FTO: variants seen among roughly 807,000 people sequenced by gnomAD.
The protein encoded by FTO is FTO alpha-ketoglutarate dependent dioxygenase, also known as alpha-ketoglutarate-dependent dioxygenase FTO.
FTO carries 47 observed loss-of-function variants against 63.9 expected under a neutral mutation model. The observed-to-expected ratio is 0.74, with a 90% CI of 0.58 to 0.94. The LOEUF is 0.94. Ranked by LOEUF, FTO falls within the 40% of genes least tolerant of loss-of-function variation. The pLI, the probability that FTO is intolerant of heterozygous loss-of-function variation, is 0.00. For synonymous variants in FTO, 207 were observed against 224.4 expected (o/e 0.92, Z 0.69); for missense variants, 562 against 618.1 (o/e 0.91, Z 0.96).
At chr16:53,832,879 GCTTT>G (rs1281580820) in intron 3 of FTO, among the ~76,000 whole-genome samples, 3 of 151,986 alleles carry the variant, frequency 2.0e-5, no homozygotes, top group Non-Finnish European at 2.9e-5. Context: ...CCACTGTTCT[GCTTT>G]CTGTCTGTAT....
intron 8 of FTO, among the ~76,000 whole-genome samples, chr16:53,949,014 T>C (rs1474598345): frequency 2.0e-5 from 3 of 152,250 alleles, no homozygotes; most frequent in African/African-American, 7.2e-5. Context: ...TCTTTCCTTT[T>C]ATAAACAAAG....
intron 8 of FTO, among the ~76,000 whole-genome samples, chr16:54,065,681 G>A (rs2085710847): frequency 6.6e-6 from 1 of 152,184 alleles, no homozygotes; most frequent in South Asian, 2.1e-4. Flanking sequence ...GGTTCTCCCT[G>A]TCTTCACCAG....
At chr16:54,038,422 AGTGCCTCCCCCACCTTCCCAG>A (rs2084994422) in intron 8 of FTO, among the ~76,000 whole-genome samples, 1 of 152,172 alleles carries the variant, frequency 6.6e-6, no homozygotes, top group African/African-American at 2.4e-5. Context: ...CAACCTGGAA[AGTGCCTCCCCCACCTTCCCAG>A]GAGCCTCACT....
chr16:53,834,422 A>G (rs2079233840), intron 3 of FTO, among the ~76,000 whole-genome samples: 1 of 152,214 alleles, frequency 6.6e-6, no homozygotes, highest in African/African-American at 2.4e-5. Context: ...TAAATTCTAT[A>G]CTACTGAATG....
intron 1 of FTO, among the ~76,000 whole-genome samples, chr16:53,769,489 AT>A (rs2077285201): frequency 1.3e-5 from 2 of 152,180 alleles, no homozygotes; most frequent in South Asian, 4.1e-4. Flanking sequence ...TTCATGTAAA[AT>A]ATTTAGAGCA....
In FTO at chr16:53,929,821, G is replaced by A. The variant is rs184107609; in HGVS notation, c.1240-4164G>A. Among the ~76,000 whole-genome samples, 129 of 152,308 alleles carry A rather than the reference G, an allele frequency of 8.5e-4. 1 individual carries two copies. Among genetic ancestry groups the A allele is most frequent in the African/African-American group, 2.9e-3 (122 of 41,570 alleles). On this transcript the variant is annotated intron_variant, in intron 7 of 8. Coordinates refer to ENST00000471389, the MANE Select transcript of FTO (RefSeq NM_001080432.3). ...CTTCAAAGAGAACTGTTCCAGTTTT[G>A]TTTGTTGTATATATTGGGAGTTGCA...
intron 8 of FTO, among the ~76,000 whole-genome samples, chr16:54,102,466 T>C (rs1484608451): frequency 6.6e-6 from 1 of 152,174 alleles, no homozygotes; most frequent in African/African-American, 2.4e-5. Flanking sequence ...ATCCCAGCTA[T>C]GTAAGAGGCT....
At position 53,851,709 on chromosome 16, in the gene FTO, T is replaced by G. The variant is rs935303267; in HGVS notation, c.895+7411T>G. 2.6e-5 allele frequency among the ~76,000 whole-genome samples: 4 copies of G among 152,198 alleles called. No homozygotes were observed. In the South Asian group the frequency reaches 6.2e-4, roughly 24 times the overall value. On this transcript the variant is annotated intron_variant, in intron 4 of 8. Coordinates refer to ENST00000471389, the MANE Select transcript of FTO (RefSeq NM_001080432.3). ...ATAAATATTACTCTAGTGTTTGTTT[T>G]TTGTACATAATATGTGCTGGAAATT...
At chr16:53,795,451 G>A (rs1324951620) in intron 1 of FTO, among the ~76,000 whole-genome samples, 1 of 150,282 alleles carries the variant, frequency 6.7e-6, no homozygotes, top group African/African-American at 2.4e-5. Context: ...TAATACATTT[G>A]TGTGTGTGTG....
At chr16:53,785,301 A>G (rs918461153) in intron 1 of FTO, among the ~76,000 whole-genome samples, 2 of 152,198 alleles carry the variant, frequency 1.3e-5, no homozygotes, top group African/African-American at 4.8e-5. Context: ...AATGCCTGAC[A>G]TGAAGTAGAC....
At chr16:54,080,115 G>A (rs1477823438) in intron 8 of FTO, among the ~76,000 whole-genome samples, 1 of 152,072 alleles carries the variant, frequency 6.6e-6, no homozygotes, top group East Asian at 1.9e-4. Context: ...GGCCAGGCAT[G>A]GTGGCTCACG....
rs775676674 is a variant in FTO at position 53,844,336 on chromosome 16, G to T, written c.895+38G>T. ...AAATCAAAATTATATTGAAACTCTA[G>T]TGTCTAAATTTAGATTATAGGATTT... On this transcript the variant is annotated intron_variant, in intron 4 of 8. Coordinates refer to ENST00000471389, the MANE Select transcript of FTO (RefSeq NM_001080432.3). 8.9e-6 allele frequency: 13 copies of T among 1,462,014 alleles called. No individual in the cohort carries two copies. In the African/African-American group the frequency reaches 1.3e-4, roughly 14 times the overall value. 90.6% of individuals were successfully genotyped at this position (1,462,014 alleles called of 1,614,324 possible).
chr16:53,931,398 C>T (rs1281539417), intron 7 of FTO, among the ~76,000 whole-genome samples: 1 of 150,438 alleles, frequency 6.6e-6, no homozygotes, highest in Non-Finnish European at 1.5e-5. Context: ...CCTCCGCCTC[C>T]TGGGTTCAAG....
chr16:53,769,020 C>T (rs538840209), intron 1 of FTO, among the ~76,000 whole-genome samples: 3 of 152,180 alleles, frequency 2.0e-5, no homozygotes, highest in East Asian at 3.9e-4. Flanking sequence ...TTCATGAAAG[C>T]GAGTATATAA....
intron 7 of FTO, among the ~76,000 whole-genome samples, chr16:53,891,824 T>C (rs2081156987): frequency 6.6e-6 from 1 of 150,980 alleles, no homozygotes; most frequent in Admixed American, 6.6e-5. Context: ...CTGTTATTTG[T>C]TTTGTCGCTC....
intron 8 of FTO, among the ~76,000 whole-genome samples, chr16:54,056,020 C>T (rs2085424561): frequency 6.6e-6 from 1 of 152,208 alleles, no homozygotes; most frequent in South Asian, 2.1e-4. Flanking sequence ...TTTCCTAGTA[C>T]CTATAAAGGG....
At chr16:53,815,829 A>G (rs1221560022) in intron 2 of FTO, among the ~76,000 whole-genome samples, 1 of 150,818 alleles carries the variant, frequency 6.6e-6, no homozygotes, top group Admixed American at 6.6e-5. Flanking sequence ...TTGTATTTTT[A>G]GTAGAAACAG....
chr16:53,772,550 TAAAC>T (rs2077363572), intron 1 of FTO, among the ~76,000 whole-genome samples: 1 of 152,166 alleles, frequency 6.6e-6, no homozygotes, highest in Admixed American at 6.6e-5. Context: ...CATTAAAATG[TAAAC>T]TCCATGAGGC....
chr16:53,888,660 A>T (rs528030244), intron 6 of FTO, among the ~76,000 whole-genome samples, 172 bp from the exon 7 acceptor site: 33 of 152,200 alleles, frequency 2.2e-4, no homozygotes, highest in Admixed American at 1.2e-3. Context: ...AGCTTTGCAG[A>T]TATGCTCTGG....
Sources: allele counts gnomAD v4.1 joint callset (sites outside exome capture counted in the v4.1 genomes callset), GRCh38; gene constraint gnomAD v4.1.1; transcripts MANE v1.5; gene names NCBI Gene and HGNC (gene_info 2026-07-23, HGNC 2026-07-21).